The following GRIP2 variants were observed in gnomAD, a reference collection of about 807,000 sequenced individuals.
GRIP2 encodes the protein glutamate receptor-interacting protein 2.
A neutral mutation model predicts 108.3 loss-of-function variants in GRIP2; 58 were observed. The ratio of observed to expected loss-of-function variants is 0.54; its 90% CI spans 0.43 to 0.67. The LOEUF is 0.67. Ranked by LOEUF, GRIP2 falls within the 30% of genes least tolerant of loss-of-function variation. The pLI is 0.00. For missense variants in GRIP2, 1,278 were observed against 1,430.6 expected (o/e 0.89, Z 1.72); for synonymous variants, 586 against 598.2 (o/e 0.98, Z 0.30).
Position 14,528,721 on chromosome 3 carries a change from T to C in GRIP2, c.41-2790A>G, listed in dbSNP as rs187154070. Among the ~76,000 whole-genome samples the C allele has an allele frequency of 1.1e-3, 164 of 152,044 alleles. 1 individual carries two copies. Among genetic ancestry groups the C allele is most frequent in the African/African-American group, 3.8e-3 (159 of 41,500 alleles). On this transcript the variant is annotated intron_variant, in intron 1 of 23. Coordinates refer to ENST00000621039, the MANE Select transcript of GRIP2 (RefSeq NM_001080423.4). ...TAAAAAAAAAAATTAGTCATGCTAA[T>C]ACATGTGCAGAGGTATCTTACTGTG...
chr3:14,505,663 T>C lies in GRIP2; in HGVS notation c.2525A>G (p.Glu842Gly). The C allele has an allele frequency of 6.2e-7, 1 of 1,609,110 alleles. No individual in the cohort carries two copies. The highest frequency in any genetic ancestry group is 8.5e-7 in the Non-Finnish European group (1 of 1,177,812). ...CTCCTCCTCCTCCTCTGGAAAGCTC[T>C]CGTCAGCTGGGGTTGGGGTATAGCT... ...RTSYTPTPAD[E>G]SFPEEEEEDD... Residue 842 changes from glutamate to glycine, a missense_variant, in exon 20 of 24, where the codon GAG becomes GGG. By Grantham distance (98) the Glu-to-Gly change is moderately conservative. Coordinates refer to ENST00000621039, the MANE Select transcript of GRIP2 (RefSeq NM_001080423.4). The surrounding 1 kb of genome is among the most constrained non-coding windows in gnomAD (Gnocchi z 4.2).
At chr3:14,535,286 G>A (rs544250410) in intron 1 of GRIP2, among the ~76,000 whole-genome samples, 1 of 152,270 alleles carries the variant, frequency 6.6e-6, no homozygotes, top group East Asian at 1.9e-4. Flanking sequence ...TTCTAAATCG[G>A]CTGCCAACTG....
At chr3:14,541,913 G>A (rs139005453), upstream of GRIP2, 281 of 1,344,278 alleles carry the variant, frequency 2.1e-4, no homozygotes, top group East Asian at 0.013. Flanking sequence ...TCAGGGAGAG[G>A]CTCGCCATGA....
At chr3:14,540,655 G>C (rs760900986), upstream of GRIP2, among the ~76,000 whole-genome samples, 2 of 152,168 alleles carry the variant, frequency 1.3e-5, no homozygotes, top group South Asian at 2.1e-4. The surrounding 1 kb of genome is among the most constrained non-coding windows in gnomAD (Gnocchi z 4.1). Context: ...CCCTCACTAG[G>C]CATCAGTTTT....
rs1188982852 is a variant in GRIP2 at position 14,505,945 on chromosome 3, C to A, written c.2399-156G>T. On this transcript the variant is annotated intron_variant, in intron 19 of 23. Coordinates refer to ENST00000621039, the MANE Select transcript of GRIP2 (RefSeq NM_001080423.4). The surrounding 1 kb of genome is among the most constrained non-coding windows in gnomAD (Gnocchi z 4.2). The stretch of plus-strand genomic sequence containing the variant: ...TCTGAGGGCCTCTGCCTCTCAGAAT[C>A]TCCCTGGAGCTCCTGGTCATCCAGA... 1.3e-5 allele frequency among the ~76,000 whole-genome samples: 2 copies of A among 152,342 alleles called. No individual in the cohort carries two copies. The highest frequency in any genetic ancestry group is 4.8e-5 in the African/African-American group (2 of 41,582).
At chr3:14,577,655 C>T in the GRIP2 span, among the ~76,000 whole-genome samples, 1 of 152,216 alleles carries the variant, frequency 6.6e-6, no homozygotes, top group Non-Finnish European at 1.5e-5. Context: ...CAGATGGTGT[C>T]CCAGCAGACA....
chr3:14,600,818 C>A, the GRIP2 span, among the ~76,000 whole-genome samples: 1 of 152,140 alleles, frequency 6.6e-6, no homozygotes, highest in Non-Finnish European at 1.5e-5. Flanking sequence ...TGATTTAGTG[C>A]GGAGCTCAAG....
intron 2 of GRIP2, 62 bp downstream of exon 2, chr3:14,525,789 C>T (rs1575017285): frequency 6.7e-7 from 1 of 1,494,960 alleles, no homozygotes; most frequent in East Asian, 2.5e-5. Flanking sequence ...CCATCTGACC[C>T]CCACCTAGGG....
At chr3:14,524,184 A>G (rs538449694) in intron 4 of GRIP2, 4 of 596,260 alleles carry the variant, frequency 6.7e-6, no homozygotes, top group South Asian at 4.2e-5. Flanking sequence ...GTAAAATGAC[A>G]TTGGCTATAG....
At chr3:14,524,311 C>T in intron 4 of GRIP2, 82 bp downstream of exon 4, 3 of 1,482,126 alleles carry the variant, frequency 2.0e-6, no homozygotes, top group Non-Finnish European at 2.7e-6. Flanking sequence ...ATGATCCCTG[C>T]CACCCAGGCC....
At chr3:14,550,503 C>T (rs1009283175) in intron 1 of GRIP2, among the ~76,000 whole-genome samples, 8 of 152,314 alleles carry the variant, frequency 5.3e-5, no homozygotes, top group Admixed American at 2.6e-4. Context: ...TAGTATGCCA[C>T]CCTCCCCGCA....
chr3:14,514,250 C>CAATT, intron 12 of GRIP2, 42 bp downstream of exon 12: 1 of 1,499,608 alleles, frequency 6.7e-7, no homozygotes, highest in Non-Finnish European at 9.0e-7. Context: ...CAGTTTCTCT[C>CAATT]AGAGAGTGGC....
At chr3:14,535,994 G>A (rs939408151) in intron 1 of GRIP2, among the ~76,000 whole-genome samples, 3 of 152,160 alleles carry the variant, frequency 2.0e-5, no homozygotes, top group South Asian at 2.1e-4. Flanking sequence ...CAATCCCCAC[G>A]GGCGACAAGC....
At position 14,511,680 on chromosome 3, in the gene GRIP2, C is replaced by T. The variant is rs544492347; in HGVS notation, c.1721-201G>A. ...CCCCCCTGTAAAATGGGGGTGGCAC[C>T]GCAGACCTCATGGGGATGTGGTGAG... On this transcript the variant is annotated intron_variant, in intron 14 of 23. Transcript: ENST00000621039. This position sits in a 1 kb window ranked among gnomAD's most constrained non-coding sequence, Gnocchi z 4.1. Among the ~76,000 whole-genome samples the T allele has an allele frequency of 6.6e-6, 1 of 152,302 alleles. No homozygotes were observed. Among genetic ancestry groups the T allele is most frequent in the African/African-American group, 2.4e-5 (1 of 41,560 alleles).
intron 21 of GRIP2, among the ~76,000 whole-genome samples, chr3:14,498,131 T>A (rs1693666484): frequency 6.6e-6 from 1 of 152,190 alleles, no homozygotes; most frequent in African/African-American, 2.4e-5. Context: ...GGGGGGTTGG[T>A]CTTTTAGGGA....
the GRIP2 span, among the ~76,000 whole-genome samples, chr3:14,578,764 T>C: frequency 1.3e-5 from 2 of 151,562 alleles, no homozygotes; most frequent in Non-Finnish European, 2.9e-5. Context: ...TTTTCTCCCT[T>C]ATTTGTCAGG....
At chr3:14,601,325 A>G in the GRIP2 span, among the ~76,000 whole-genome samples, 1 of 152,142 alleles carries the variant, frequency 6.6e-6, no homozygotes, top group African/African-American at 2.4e-5. Context: ...GACGAAAGTT[A>G]GTGGTGGGCA....
At chr3:14,520,586 C>T (rs749129503) in intron 7 of GRIP2, 49 bp from the exon 8 acceptor site, 36 of 1,597,132 alleles carry the variant, frequency 2.3e-5, no homozygotes, top group Non-Finnish European at 3.0e-5. Context: ...CGAGCACTTT[C>T]CTCCCCAGCC....
chr3:14,556,108 A>T (rs1019161190), upstream of GRIP2: 8 of 397,534 alleles, frequency 2.0e-5, no homozygotes, highest in Admixed American at 2.6e-4. Context: ...GCTAAAATAG[A>T]TAATCCTCCC....
Sources: gnomAD v4.1 joint callset for allele counts (sites outside exome capture counted in the v4.1 genomes callset) on GRCh38, gnomAD v4.1.1 for gene constraint, Gnocchi (gnomAD v3.1) non-coding constraint, MANE v1.5 for transcripts, NCBI Gene and HGNC (gene_info 2026-07-23, HGNC 2026-07-21) for gene names.